PCED1B: variants seen among roughly 807,000 people sequenced by gnomAD.
PCED1B encodes the protein PC-esterase domain-containing protein 1B.
For missense variants in PCED1B, 573 were observed against 573.9 expected, an observed-to-expected ratio of 1.00 and a Z score of 0.02; for synonymous variants, 251 against 246.1, an observed-to-expected ratio of 1.02 and a Z score of -0.19.
At chr12:47,178,536 T>G (rs1941996491) in intron 2 of PCED1B, among the ~76,000 whole-genome samples, 1 of 152,108 alleles carries the variant, frequency 6.6e-6, no homozygotes, top group Non-Finnish European at 1.5e-5. Context: ...ATGTAGCTCT[T>G]GCCTCCATCT....
chr12:47,115,590 C>A (rs1939384094), intron 2 of PCED1B, among the ~76,000 whole-genome samples: 1 of 152,100 alleles, frequency 6.6e-6, no homozygotes, highest in Non-Finnish European at 1.5e-5. Context: ...TCTTCCCCTG[C>A]TTATTCTAGA....
intron 1 of PCED1B, among the ~76,000 whole-genome samples, chr12:47,086,710 T>C (rs1188713036): frequency 2.0e-5 from 3 of 152,218 alleles, no homozygotes; most frequent in African/African-American, 7.2e-5. Context: ...TTTATTTTGC[T>C]CATTGTTAGC....
At position 47,235,328 on chromosome 12, in the gene PCED1B, G is replaced by A; in HGVS notation, c.265G>A (p.Val89Ile). The A allele has an allele frequency of 6.2e-7, 1 of 1,614,086 alleles. No homozygotes were observed. Among genetic ancestry groups the A allele is most frequent in the South Asian group, 1.1e-5 (1 of 91,090 alleles). ...CGAGTTCCGCTCCGACCACCATCTG[G>A]TACGTTTTTACTTCCTCACCCGCGT... is the stretch of plus-strand genomic sequence containing the variant. ...VREFRSDHHL[V>I]RFYFLTRVYS... The change falls in exon 4 of 4, where the codon GTA becomes ATA. Residue 89 changes from valine (V) to isoleucine (I), a missense_variant. By Grantham distance (29) the Val-to-Ile change is conservative. Transcript: ENST00000546455.
At chr12:47,208,170 G>T (rs139684189) in intron 2 of PCED1B, among the ~76,000 whole-genome samples, 1 of 152,104 alleles carries the variant, frequency 6.6e-6, no homozygotes, top group Non-Finnish European at 1.5e-5. Flanking sequence ...CCTTAGACAC[G>T]TGCCTGAACT....
intron 2 of PCED1B, chr12:47,135,722 C>G (rs113706708): frequency 1.9e-5 from 10 of 531,632 alleles, no homozygotes; most frequent in Admixed American, 1.2e-4. Context: ...TGAATAGGGA[C>G]CAGACGACAT....
intron 1 of PCED1B, among the ~76,000 whole-genome samples, chr12:47,091,092 A>C (rs1445137229): frequency 6.6e-6 from 1 of 152,074 alleles, no homozygotes; most frequent in African/African-American, 2.4e-5. Flanking sequence ...GGTTATGCAT[A>C]TGTTCAACTC....
intron 3 of PCED1B, among the ~76,000 whole-genome samples, chr12:47,227,098 C>G (rs1371940486): frequency 6.6e-6 from 1 of 152,158 alleles, no homozygotes; most frequent in Non-Finnish European, 1.5e-5. Context: ...TTACAGTGCT[C>G]CTCTTTATCA....
At chr12:47,222,443 A>AAG (rs1301636168) in intron 3 of PCED1B, among the ~76,000 whole-genome samples, 11 of 147,204 alleles carry the variant, frequency 7.5e-5, no homozygotes, top group South Asian at 4.3e-4. Context: ...AAAAAAAAAA[A>AAG]AGAGAGAGAA....
At position 47,216,353 on chromosome 12, in the gene PCED1B, C is replaced by T. The variant is rs1242781463; in HGVS notation, c.-394C>T. On this transcript the variant is annotated 5_prime_UTR_variant, in exon 3 of 4. Transcript: ENST00000546455. ...ATGAAAACAAGCTCAAAACCAAATT[C>T]CAGGAAGATGCTGTCTTTGTATTGA... is the stretch of plus-strand genomic sequence containing the variant. 6.6e-6 allele frequency: 1 copy of T among 152,212 alleles called. No homozygotes were observed. Among genetic ancestry groups the T allele is most frequent in the Non-Finnish European group, 1.5e-5 (1 of 68,040 alleles). 9.4% of individuals were successfully genotyped at this position (152,212 alleles called of 1,614,324 possible).
chr12:47,210,921 A>G (rs1010701093), intron 2 of PCED1B, among the ~76,000 whole-genome samples: 1 of 152,202 alleles, frequency 6.6e-6, no homozygotes, highest in Non-Finnish European at 1.5e-5. Flanking sequence ...AAAGCCTACT[A>G]TTTTACCGGT....
At chr12:47,111,604 A>G (rs577527344) in intron 2 of PCED1B, among the ~76,000 whole-genome samples, 23 of 151,926 alleles carry the variant, frequency 1.5e-4, no homozygotes, top group Non-Finnish European at 2.9e-4. Flanking sequence ...CCCTACCCTC[A>G]ACCCCTGGCA....
At chr12:47,146,998 C>CTT (rs59400736) in intron 2 of PCED1B, among the ~76,000 whole-genome samples, 4,534 of 98,910 alleles carry the variant, frequency 0.046, 431 homozygotes, top group African/African-American at 0.12. Flanking sequence ...GTTCATTGCT[C>CTT]TTTTTTTTTT....
intron 2 of PCED1B, among the ~76,000 whole-genome samples, chr12:47,204,814 A>C (rs1942866787): frequency 6.6e-6 from 1 of 152,236 alleles, no homozygotes; most frequent in East Asian, 1.9e-4. Flanking sequence ...ATTTAGCAAT[A>C]AATACTATAT....
chr12:47,207,679 A>C (rs1281959968), intron 2 of PCED1B, among the ~76,000 whole-genome samples: 1 of 152,238 alleles, frequency 6.6e-6, no homozygotes, highest in Non-Finnish European at 1.5e-5. Flanking sequence ...CAAATATGTA[A>C]GTATGCATTC....
intron 2 of PCED1B, among the ~76,000 whole-genome samples, chr12:47,173,466 A>C (rs1941817551): frequency 6.6e-6 from 1 of 152,046 alleles, no homozygotes; most frequent in Non-Finnish European, 1.5e-5. Flanking sequence ...GTTAGTCAGG[A>C]TGGTCTCGAT....
intron 1 of PCED1B, among the ~76,000 whole-genome samples, 151 bp from the exon 2 acceptor site, chr12:47,103,962 T>C (rs1938833441): frequency 1.3e-5 from 2 of 152,238 alleles, no homozygotes; most frequent in Non-Finnish European, 2.9e-5. Flanking sequence ...ATCCTTTCAT[T>C]TGTCTGCTTA....
chr12:47,216,636 G>C lies in PCED1B; in HGVS notation c.-111G>C, dbSNP rs1231547348. On this transcript the variant is annotated 5_prime_UTR_variant, in exon 3 of 4. Transcript: ENST00000546455. ...GAGAGGAAGAAAGCTATCTAGGGAC[G>C]AGATCTAGAATCAACTGAGAGAGAT... 6.6e-6 allele frequency: 1 copy of C among 152,196 alleles called. No individual in the cohort carries two copies. The highest frequency in any genetic ancestry group is 1.9e-4 in the East Asian group (1 of 5,204). The allele number at this position is 152,196 out of a possible 1,614,324, so 9.4% of individuals were successfully genotyped here. A position where few individuals can be genotyped will look rare whatever the true frequency, so the allele number is the denominator to read the frequency against.
chr12:47,221,671 C>G (rs1278050153), intron 3 of PCED1B, among the ~76,000 whole-genome samples: 1 of 152,156 alleles, frequency 6.6e-6, no homozygotes, highest in African/African-American at 2.4e-5. Flanking sequence ...CTGAAATTGC[C>G]TGGTGAGAAT....
intron 1 of PCED1B, among the ~76,000 whole-genome samples, chr12:47,090,266 T>G (rs1448591235): frequency 1.3e-5 from 2 of 152,166 alleles, no homozygotes; most frequent in East Asian, 3.9e-4. Flanking sequence ...AACAGAGAAC[T>G]CATATCAGAA....
Sources: allele counts gnomAD v4.1 joint callset (sites outside exome capture counted in the v4.1 genomes callset), GRCh38; gene constraint gnomAD v4.1.1; transcripts MANE v1.5; gene names NCBI Gene and HGNC (gene_info 2026-07-23, HGNC 2026-07-21).